Variants in CNTN6 observed in about 807,000 individuals in gnomAD.
CNTN6 encodes contactin 6.
CNTN6 carries 137 observed loss-of-function variants against 122.8 expected under a neutral mutation model. The ratio of observed to expected loss-of-function variants is 1.12; its 90% CI spans 0.97 to 1.29. The LOEUF (loss-of-function observed/expected upper bound fraction) is 1.29. Among genes scored for constraint, CNTN6 ranks in the 50% most tolerant of loss-of-function variants. The pLI, the probability that CNTN6 is intolerant of heterozygous loss-of-function variation, is 0.00. For synonymous variants in CNTN6, 570 were observed against 426.0 expected (o/e 1.34, Z -4.16); for missense variants, 1,634 against 1,223.4 (o/e 1.34, Z -5.01).
chr3:1,184,994 T>C (rs1358275294), intron 2 of CNTN6, among the ~76,000 whole-genome samples: 1 of 152,134 alleles, frequency 6.6e-6, no homozygotes, highest in Admixed American at 6.6e-5. Context: ...AATGTACACT[T>C]GGTAGGCATT....
At chr3:1,202,569 A>AATAC (rs1441581800) in intron 2 of CNTN6, among the ~76,000 whole-genome samples, 2 of 141,428 alleles carry the variant, frequency 1.4e-5, no homozygotes, top group Non-Finnish European at 1.6e-5. Flanking sequence ...TAAATAAATA[A>AATAC]ATAAATAAAT....
chr3:1,211,760 C>T (rs2094041392), intron 2 of CNTN6, among the ~76,000 whole-genome samples: 1 of 151,974 alleles, frequency 6.6e-6, no homozygotes, highest in African/African-American at 2.4e-5. Flanking sequence ...TATGAACATC[C>T]TCATCTCTGC....
rs775784705 is a variant in CNTN6, at chr3:1,373,600, C to G, written c.1787-4C>G. Reference sequence around the variant, plus strand: ...TGGAGTCATGATAAAACATTTTTTTCAAGGTCCACCAGGTCCTCCTGAGGA... The same window carrying G: ...TGGAGTCATGATAAAACATTTTTTTGAAGGTCCACCAGGTCCTCCTGAGGA... On this transcript the variant is annotated splice_region_variant and splice_polypyrimidine_tract_variant and intron_variant, in intron 14 of 22. Transcript: ENST00000446702. The G allele has an allele frequency of 3.1e-6, 5 of 1,603,890 alleles. No homozygotes were observed. The highest frequency in any genetic ancestry group is 4.5e-5 in the East Asian group (2 of 44,708).
chr3:1,273,267 A>G (rs951534951), intron 4 of CNTN6, among the ~76,000 whole-genome samples: 10 of 152,214 alleles, frequency 6.6e-5, no homozygotes, highest in African/African-American at 2.4e-4. Flanking sequence ...GAATATCTCC[A>G]AATATTATAG....
chr3:1,216,631 G>C (rs2094134345), intron 2 of CNTN6, among the ~76,000 whole-genome samples: 1 of 152,180 alleles, frequency 6.6e-6, no homozygotes, highest in African/African-American at 2.4e-5. Context: ...AGAAATCAGA[G>C]AACAAGAGTG....
intron 20 of CNTN6, among the ~76,000 whole-genome samples, chr3:1,387,927 G>A (rs4640021): frequency 0.31 from 46,697 of 151,852 alleles, 7,615 homozygotes; most frequent in East Asian, 0.61. Context: ...ACGGAATCTC[G>A]CTGATTGCTA....
At chr3:1,097,888 AATTATC>A (rs1381766060) in intron 1 of CNTN6, among the ~76,000 whole-genome samples, 2 of 152,180 alleles carry the variant, frequency 1.3e-5, no homozygotes, top group African/African-American at 4.8e-5. Context: ...CTAAAATTAT[AATTATC>A]ATCTAATCAA....
At chr3:1,295,369 C>A (rs971365334) in intron 5 of CNTN6, among the ~76,000 whole-genome samples, 2 of 152,080 alleles carry the variant, frequency 1.3e-5, no homozygotes, top group African/African-American at 4.8e-5. Context: ...TATCCTTAAT[C>A]CCAAAAAGTC....
intron 2 of CNTN6, among the ~76,000 whole-genome samples, chr3:1,161,344 C>T (rs1293375763): frequency 6.8e-6 from 1 of 147,226 alleles, no homozygotes; most frequent in Non-Finnish European, 1.5e-5. Context: ...ATTGTCAGGT[C>T]ATGGTTGAAC....
chr3:1,161,296 T>C (rs1378316825), intron 2 of CNTN6, among the ~76,000 whole-genome samples: 2 of 139,634 alleles, frequency 1.4e-5, no homozygotes, highest in East Asian at 2.1e-4. Context: ...AAATGCTTAC[T>C]GGGAATAAAG....
chr3:1,325,880 G>GCATT lies in CNTN6; in HGVS notation c.1012_1013insCATT (p.Glu338AlafsTer4), dbSNP rs1475916471. On this transcript the variant is annotated frameshift_variant, in exon 9 of 23. Transcript: ENST00000446702. LOFTEE classifies it high-confidence loss of function. ...CTCTATCTATGACAACTTGCTCTGG[G>GCATT]AATGTAAAGCTAGTGGAAAGCCAAA... 6.2e-7 allele frequency: 1 copy of GCATT among 1,611,824 alleles called. No individual in the cohort carries two copies. Among genetic ancestry groups the GCATT allele is most frequent in the Non-Finnish European group, 8.5e-7 (1 of 1,178,592 alleles).
rs188515842 is a variant in CNTN6, at chr3:1,103,691, G to T, written c.-83+10571G>T. On this transcript the variant is annotated intron_variant, in intron 1 of 22. Coordinates refer to ENST00000446702, the MANE Select transcript of CNTN6 (RefSeq NM_001289080.2). ...AGTTTTTAAGAAATTACACACACAA[G>T]ACACAATGCCTGAGCCAATTGCTTT... Among the ~76,000 whole-genome samples the T allele has an allele frequency of 7.1e-3, 1,081 of 152,230 alleles. 19 individuals are homozygous for T. The highest frequency in any genetic ancestry group is 8.7e-3 in the Non-Finnish European group (594 of 68,000).
chr3:1,250,457 G>T (rs376385948), intron 4 of CNTN6, among the ~76,000 whole-genome samples: 93 of 152,276 alleles, frequency 6.1e-4, no homozygotes, highest in African/African-American at 2.0e-3. Context: ...CACAGCTGGA[G>T]TGAAGAAGGT....
chr3:1,347,451 T>C (rs923551908), intron 11 of CNTN6, among the ~76,000 whole-genome samples: 1 of 152,062 alleles, frequency 6.6e-6, no homozygotes, highest in Non-Finnish European at 1.5e-5. Flanking sequence ...CTAAACTTAT[T>C]GAGGAAATAA....
chr3:1,277,209 A>T (rs1190404530), intron 4 of CNTN6, among the ~76,000 whole-genome samples: 1 of 152,214 alleles, frequency 6.6e-6, no homozygotes, highest in African/African-American at 2.4e-5. Flanking sequence ...TAAATGATGT[A>T]TTCATTTTAA....
chr3:1,099,138 A>G lies in CNTN6; in HGVS notation c.-83+6018A>G, dbSNP rs894973012. ...TGTGTAACTCATTCCATATTAGACT[A>G]TTTAGACTCATTCTTATAAATAAAC... On this transcript the variant is annotated intron_variant, in intron 1 of 22. Coordinates refer to ENST00000446702, the MANE Select transcript of CNTN6 (RefSeq NM_001289080.2). Among the ~76,000 whole-genome samples the G allele has an allele frequency of 2.2e-4, 34 of 152,082 alleles. 1 individual carries two copies. Among genetic ancestry groups the G allele is most frequent in the African/African-American group, 7.5e-4 (31 of 41,420 alleles).
At chr3:1,360,276 C>T (rs914818879) in intron 12 of CNTN6, among the ~76,000 whole-genome samples, 1 of 151,978 alleles carries the variant, frequency 6.6e-6, no homozygotes, top group Non-Finnish European at 1.5e-5. Flanking sequence ...CACCTTTTCC[C>T]TCTTGTTCTC....
chr3:1,327,579 A>C lies in CNTN6; in HGVS notation c.1206A>C (p.Arg402Ser). ...YQIIYANAEL[R>S]VLASAPDFSK... ...TAATTTATGCAAATGCTGAATTGAG[A>C]GTTTTAGGTAAGTCGTTTATTTACA... The change falls in exon 10 of 23, where the codon AGA becomes AGC. Residue 402 changes from arginine (R) to serine (S), a missense_variant. Arg to Ser is a moderately radical substitution (Grantham distance 110, BLOSUM62 -1). Transcript: ENST00000446702. 6.2e-7 allele frequency: 1 copy of C among 1,609,648 alleles called. No individual in the cohort carries two copies. The highest frequency in any genetic ancestry group is 8.5e-7 in the Non-Finnish European group (1 of 1,177,530).
At chr3:1,387,650 C>G (rs558061914) in intron 20 of CNTN6, among the ~76,000 whole-genome samples, 11 of 152,256 alleles carry the variant, frequency 7.2e-5, no homozygotes, top group South Asian at 6.2e-4. Flanking sequence ...ATCTGAGGTA[C>G]CCGGTTCATC....
Sources: allele counts gnomAD v4.1 joint callset (sites outside exome capture counted in the v4.1 genomes callset), GRCh38; gene constraint gnomAD v4.1.1; transcripts MANE v1.5; gene names NCBI Gene and HGNC (gene_info 2026-07-23, HGNC 2026-07-21).